SNHG17: variants seen among roughly 807,000 people sequenced by gnomAD.
SNHG17 encodes the protein small nucleolar RNA host gene 17, also known as small nucleolar RNA host gene 17 (non-protein coding).
chr20:38,429,698 A>T (rs1371436784), intron 3 of SNHG17: 2 of 504,510 alleles, frequency 4.0e-6, no homozygotes, highest in Admixed American at 4.2e-5. Context: ...TTTGGAAGAG[A>T]CAGGAGTGGA....
At chr20:38,423,139 G>A (rs1324967441) in intron 5 of SNHG17, among the ~76,000 whole-genome samples, 4 of 151,486 alleles carry the variant, frequency 2.6e-5, no homozygotes, top group African/African-American at 9.7e-5. Flanking sequence ...GTCCATGCCT[G>A]TAATCCCAGC....
At chr20:38,431,898 A>C in intron 2 of SNHG17, 8 of 506,078 alleles carry the variant, frequency 1.6e-5, no homozygotes, top group Non-Finnish European at 2.0e-5. Flanking sequence ...AGACACTCTT[A>C]CCTCACCTCT....
chr20:38,426,535 C>G (rs2084251798), intron 3 of SNHG17: 1 of 151,674 alleles, frequency 6.6e-6, no homozygotes, highest in South Asian at 2.1e-4. Context: ...CATATCACTT[C>G]TTATAACACA....
At chr20:38,434,902 T>C in intron 1 of SNHG17, 2 of 1,219,690 alleles carry the variant, frequency 1.6e-6, no homozygotes, top group Non-Finnish European at 2.0e-6. Context: ...GCAGCTAAAG[T>C]CGCCGAGCCC....
rs762922699 is a variant in SNHG17, at chr20:38,434,883, C to G, written n.186-257G>C. On this transcript the variant is annotated intron_variant and non_coding_transcript_variant, in intron 1 of 8. Coordinates refer to ENST00000654008, the Ensembl canonical transcript of SNHG17. ...TTTGGAGGCTTCCAATGCCAGGAGT[C>G]GGGGGCGGGCAGCTAAAGTCGCCGA... is the stretch of plus-strand genomic sequence containing the variant. 545 of 1,212,798 alleles carry G rather than the reference C, an allele frequency of 4.5e-4. 9 individuals are homozygous for G. The highest frequency in any genetic ancestry group is 3.2e-4 in the Middle Eastern group (1 of 3,126). 75.1% of individuals were successfully genotyped at this position (1,212,798 alleles called of 1,614,324 possible). A position where few individuals can be genotyped will look rare whatever the true frequency, so the allele number is the denominator to read the frequency against.
intron 3 of SNHG17, chr20:38,429,618 T>G (rs1383463147): frequency 6.5e-6 from 3 of 462,658 alleles, no homozygotes; most frequent in South Asian, 4.8e-5. Flanking sequence ...CACAACCCAC[T>G]AGATGATGCC....
At chr20:38,435,137 G>A (rs953746579) in intron 1 of SNHG17, 3 of 1,232,334 alleles carry the variant, frequency 2.4e-6, no homozygotes, top group Non-Finnish European at 3.0e-6. Context: ...CCTTCCCCGG[G>A]GCCTCAGTTT....
At chr20:38,433,208 T>C (rs1364974709) in intron 2 of SNHG17, among the ~76,000 whole-genome samples, 1 of 152,086 alleles carries the variant, frequency 6.6e-6, no homozygotes, top group Non-Finnish European at 1.5e-5. Flanking sequence ...ACTCCTGGCC[T>C]CAAGTGATCC....
intron 2 of SNHG17, chr20:38,434,125 C>A: frequency 2.4e-6 from 1 of 415,766 alleles, no homozygotes; most frequent in African/African-American, 2.1e-5. Context: ...AGGCAGATTC[C>A]ATCTGTCCCC....
chr20:38,431,544 G>C (rs2084342005), intron 2 of SNHG17, among the ~76,000 whole-genome samples: 1 of 152,170 alleles, frequency 6.6e-6, no homozygotes, highest in Non-Finnish European at 1.5e-5. Context: ...GCCCCAACCA[G>C]GAGAAGTAAA....
At chr20:38,426,266 C>T (rs1017475572) in intron 4 of SNHG17, among the ~76,000 whole-genome samples, 1 of 151,966 alleles carries the variant, frequency 6.6e-6, no homozygotes, top group Non-Finnish European at 1.5e-5. Flanking sequence ...TCGCAGAGTT[C>T]GAGGAAAAGA....
intron 4 of SNHG17, chr20:38,426,142 C>T (rs1297346586): frequency 6.6e-6 from 1 of 152,300 alleles, no homozygotes; most frequent in Non-Finnish European, 1.5e-5. Context: ...AGCTAATTGC[C>T]TGCCTCCAAA....
chr20:38,425,584 C>A (rs1034449044), intron 5 of SNHG17, among the ~76,000 whole-genome samples: 5 of 152,186 alleles, frequency 3.3e-5, no homozygotes, highest in African/African-American at 9.7e-5. Context: ...TAGGTTGGGA[C>A]AGGGCTAAGA....
Position 38,435,120 on chromosome 20 carries a change from C to T in SNHG17, n.185+77G>A. 4.1e-6 allele frequency: 5 copies of T among 1,232,332 alleles called. No individual in the cohort carries two copies. In the African/African-American group the frequency reaches 4.6e-5, roughly 11 times the overall value. 76.3% of individuals were successfully genotyped at this position (1,232,332 alleles called of 1,614,324 possible). ...GCACCAAGGACAGGGCCTGACCTCT[C>T]TGGCCGCCTTCCCCGGGGCCTCAGT... On this transcript the variant is annotated intron_variant and non_coding_transcript_variant, in intron 1 of 8. Coordinates refer to ENST00000654008, the Ensembl canonical transcript of SNHG17.
intron 3 of SNHG17, among the ~76,000 whole-genome samples, chr20:38,430,180 G>A (rs2084318924): frequency 6.6e-6 from 1 of 152,100 alleles, no homozygotes; most frequent in Non-Finnish European, 1.5e-5. Context: ...CATTAGCCAG[G>A]CATGGTGGCA....
At chr20:38,425,926 A>G (rs2084238874) in intron 5 of SNHG17, 2 of 152,700 alleles carry the variant, frequency 1.3e-5, no homozygotes, top group South Asian at 2.1e-4. Flanking sequence ...TGGGTGCAGC[A>G]GCACGTACCT....
At chr20:38,434,921 G>A (rs780131986) in intron 1 of SNHG17, 14 of 1,223,084 alleles carry the variant, frequency 1.1e-5, no homozygotes, top group Non-Finnish European at 1.4e-5. Flanking sequence ...CCTGTTTCCC[G>A]CCATCCAGGG....
chr20:38,434,083 AC>A (rs2084387768), intron 2 of SNHG17: 2 of 476,224 alleles, frequency 4.2e-6, no homozygotes, highest in Non-Finnish European at 8.4e-6. Context: ...AGAGAAGGGT[AC>A]CCAGGACCCT....
At chr20:38,430,066 C>T (rs1329733114) in intron 3 of SNHG17, among the ~76,000 whole-genome samples, 1 of 152,168 alleles carries the variant, frequency 6.6e-6, no homozygotes, top group Admixed American at 6.5e-5. Flanking sequence ...CCTGTAATCC[C>T]AGCACTTTGG....
Sources: gnomAD v4.1 joint callset for allele counts (sites outside exome capture counted in the v4.1 genomes callset) on GRCh38, gnomAD v4.1.1 for gene constraint, MANE v1.5 for transcripts, NCBI Gene and HGNC (gene_info 2026-07-23, HGNC 2026-07-21) for gene names.